ZBTB5: variants seen among roughly 807,000 people sequenced by gnomAD.
ZBTB5 encodes zinc finger and BTB domain-containing protein 5.
ZBTB5 carries 15 observed loss-of-function variants against 37.9 expected under a neutral mutation model. That is an observed-to-expected ratio of 0.40 (90% CI 0.26 to 0.61). The LOEUF (loss-of-function observed/expected upper bound fraction) is 0.61. ZBTB5 is among the 20% of genes least tolerant of loss of function. The pLI, the probability that ZBTB5 is intolerant of heterozygous loss-of-function variation, is 0.47. For missense variants in ZBTB5, 708 were observed against 856.8 expected, an observed-to-expected ratio of 0.83 and a Z score of 2.17; for synonymous variants, 315 against 312.4, an observed-to-expected ratio of 1.01 and a Z score of -0.09.
Position 37,442,343 on chromosome 9 carries a change from T to A in ZBTB5, c.209A>T (p.Glu70Val), listed in dbSNP as rs1350237980. The A allele has an allele frequency of 1.2e-6, 2 of 1,614,166 alleles. No homozygotes were observed. Among genetic ancestry groups the A allele is most frequent in the Non-Finnish European group, 8.5e-7 (1 of 1,180,020 alleles). Residue 70 changes from glutamate (E) to valine (V), a missense_variant, in exon 2 of 2, where the codon GAG becomes GTG. Around this residue, in one of 3 missense-constraint regions of ZBTB5, gnomAD observed 639 missense variants for 690.5 expected, o/e 0.93. Coordinates refer to ENST00000307750, the MANE Select transcript of ZBTB5 (RefSeq NM_014872.3). ...AGCAAAGGCCTCTGCTGTCACCACC[T>A]CGCTATCCAGCTGGATCATGTTCAT... ...QTMNMIQLDS[E>V]VVTAEAFAAL... is the part of the protein sequence containing the mutation.
rs200263293 is a variant in ZBTB5 at position 37,442,258 on chromosome 9, A to G, written c.294T>C (p.Asp98=). The change falls in exon 2 of 2, where the codon GAT becomes GAC. Residue 98 remains aspartate, a synonymous_variant. Coordinates refer to ENST00000307750, the MANE Select transcript of ZBTB5 (RefSeq NM_014872.3). ...TLMLGESNVM[D]VLLAASHLHL... ...GCAGGTGAGAGGCTGCCAATAAGAC[A>G]TCCATTACATTGCTCTCCCCCAGCA... 1.2e-5 allele frequency: 19 copies of G among 1,614,226 alleles called. No homozygotes were observed. In the East Asian group the frequency reaches 3.8e-4, roughly 32 times the overall value.
intron 1 of ZBTB5, among the ~76,000 whole-genome samples, chr9:37,460,099 C>G (rs1239200865): frequency 2.0e-5 from 3 of 152,008 alleles, no homozygotes; most frequent in African/African-American, 7.3e-5. Flanking sequence ...CTACCTCAGC[C>G]TCCCAAAATG....
chr9:37,441,924 C>T lies in ZBTB5; in HGVS notation c.628G>A (p.Asp210Asn). ...GTAACATCTGAAATGGCAGACTCATCTATGGAGGGTCGGAGGCGCTGCCTG... is the reference window on the plus strand; with the variant it reads ...GTAACATCTGAAATGGCAGACTCATTTATGGAGGGTCGGAGGCGCTGCCTG... ...RARQRLRPSI[D>N]ESAISDVTPE... The change falls in exon 2 of 2, where the codon GAT becomes AAT. Residue 210 changes from aspartate (D) to asparagine (N), a missense_variant. This residue lies in a region of ZBTB5 where 639 missense variants were observed against 690.5 expected (regional missense o/e 0.93). Transcript: ENST00000307750. 6.2e-7 allele frequency: 1 copy of T among 1,614,130 alleles called. No individual in the cohort carries two copies. The highest frequency in any genetic ancestry group is 8.5e-7 in the Non-Finnish European group (1 of 1,180,038).
At chr9:37,445,119 C>A (rs1332996362) in intron 1 of ZBTB5, among the ~76,000 whole-genome samples, 1 of 151,198 alleles carries the variant, frequency 6.6e-6, no homozygotes, top group African/African-American at 2.4e-5. Context: ...GTTGTTTACT[C>A]ACAGGACACA....
chr9:37,453,616 C>T (rs1207866893), intron 1 of ZBTB5, among the ~76,000 whole-genome samples: 1 of 152,164 alleles, frequency 6.6e-6, no homozygotes, highest in Non-Finnish European at 1.5e-5. Flanking sequence ...AAATCACTTC[C>T]CACCCATTCT....
intron 1 of ZBTB5, among the ~76,000 whole-genome samples, chr9:37,464,839 G>T (rs1344030083): frequency 6.6e-6 from 1 of 152,214 alleles, no homozygotes; most frequent in Admixed American, 6.5e-5. Context: ...ACCCAGGATG[G>T]GGGCAAGGGA....
Position 37,440,284 on chromosome 9 carries a change from A to G in ZBTB5, c.*234T>C. 3.9e-6 allele frequency: 2 copies of G among 519,290 alleles called. No homozygotes were observed. Among genetic ancestry groups the G allele is most frequent in the Non-Finnish European group, 6.8e-6 (2 of 294,856 alleles). 32.2% of individuals were successfully genotyped at this position (519,290 alleles called of 1,614,324 possible). A position where few individuals can be genotyped will look rare whatever the true frequency, so the allele number is the denominator to read the frequency against. ...TTACAAACTACTTTCTGACTGCATT[A>G]CTCAACCCCAAGGAAGCACCTGGTT... is the stretch of plus-strand genomic sequence containing the variant. On this transcript the variant is annotated 3_prime_UTR_variant, in exon 2 of 2. Coordinates refer to ENST00000307750, the MANE Select transcript of ZBTB5 (RefSeq NM_014872.3).
Position 37,441,481 on chromosome 9 carries a change from T to A in ZBTB5, c.1071A>T (p.Glu357Asp). ...CGGCACTGACCACAACTCCTTCCAC[T>A]TCCACAGACTCGCTGCCTTCTGCTT... Reference protein sequence around the residue: ...TSQAEGSESVEVEGVVVSAEK... With the variant: ...TSQAEGSESVDVEGVVVSAEK... The change falls in exon 2 of 2, where the codon GAA becomes GAT. Residue 357 changes from glutamate to aspartate, a missense_variant. Physicochemically the swap from Glu to Asp is conservative, Grantham distance 45. This residue lies in a region of ZBTB5 where 639 missense variants were observed against 690.5 expected (regional missense o/e 0.93). Coordinates refer to ENST00000307750, the MANE Select transcript of ZBTB5 (RefSeq NM_014872.3). 1 of 1,613,096 alleles carries A rather than the reference T, an allele frequency of 6.2e-7. No homozygotes were observed. The highest frequency in any genetic ancestry group is 1.3e-5 in the African/African-American group (1 of 74,676).
Position 37,442,299 on chromosome 9 carries a change from A to T in ZBTB5, c.253T>A (p.Tyr85Asn). The T allele has an allele frequency of 6.2e-7, 1 of 1,614,230 alleles. No homozygotes were observed. Among genetic ancestry groups the T allele is most frequent in the Non-Finnish European group, 8.5e-7 (1 of 1,180,030 alleles). Residue 85 changes from tyrosine (Y) to asparagine (N), a missense_variant, in exon 2 of 2, where the codon TAT (tyrosine) becomes AAT (asparagine). Coordinates refer to ENST00000307750, the MANE Select transcript of ZBTB5 (RefSeq NM_014872.3). ...TCCCCCAGCATGAGGGTGGAGGTAT[A>T]CATCATGTCAATCAGTGCAGCAAAG... ...EAFAALIDMM[Y>N]TSTLMLGESN...
intron 1 of ZBTB5, among the ~76,000 whole-genome samples, chr9:37,444,956 A>G (rs1465017528): frequency 6.6e-6 from 1 of 152,116 alleles, no homozygotes; most frequent in Non-Finnish European, 1.5e-5. Flanking sequence ...TGGGTCTCCA[A>G]GGGGGGTGGG....
In ZBTB5 at chr9:37,438,532, A is replaced by AGT. The variant is rs1354374737; in HGVS notation, c.*1985_*1986insAC. ...TAAGCCCCAAAAGCAAAGTCCACTT[A>AGT]TGCTTCAGCAGAGGTAAGCGGGCAG... On this transcript the variant is annotated 3_prime_UTR_variant, in exon 2 of 2. Transcript: ENST00000307750. The AGT allele has an allele frequency of 6.6e-6, 1 of 152,298 alleles. No individual in the cohort carries two copies. The highest frequency in any genetic ancestry group is 1.5e-5 in the Non-Finnish European group (1 of 68,064). The allele number at this position is 152,298 out of a possible 1,614,324, so 9.4% of individuals were successfully genotyped here.
chr9:37,441,602 A>G lies in ZBTB5; in HGVS notation c.950T>C (p.Val317Ala). ...CATGTGCTCCTTCTCACCAAGGCCA[A>G]CCTCAGGGTTTTCACACTGAAAACT... is the stretch of plus-strand genomic sequence containing the variant. ...KSSFQCENPE[V>A]GLGEKEHMRV... Residue 317 changes from valine (V) to alanine (A), a missense_variant, in exon 2 of 2, where the codon GTT becomes GCT. Transcript: ENST00000307750. 1 of 1,613,120 alleles carries G rather than the reference A, an allele frequency of 6.2e-7. No individual in the cohort carries two copies. The highest frequency in any genetic ancestry group is 8.5e-7 in the Non-Finnish European group (1 of 1,179,914).
Position 37,442,332 on chromosome 9 carries a change from C to CT in ZBTB5, c.219dup (p.Ala74SerfsTer9). ...TCAATCAGTGCAGCAAAGGCCTCTG[C>CT]TGTCACCACCTCGCTATCCAGCTGG... is the stretch of plus-strand genomic sequence containing the variant. On this transcript the variant is annotated frameshift_variant, in exon 2 of 2. Coordinates refer to ENST00000307750, the MANE Select transcript of ZBTB5 (RefSeq NM_014872.3). LOFTEE classifies it high-confidence loss of function. 1 of 1,614,220 alleles carries CT rather than the reference C, an allele frequency of 6.2e-7. No homozygotes were observed. Among genetic ancestry groups the CT allele is most frequent in the Non-Finnish European group, 8.5e-7 (1 of 1,180,032 alleles).
At chr9:37,453,205 A>G (rs1824132465) in intron 1 of ZBTB5, among the ~76,000 whole-genome samples, 1 of 152,116 alleles carries the variant, frequency 6.6e-6, no homozygotes, top group Non-Finnish European at 1.5e-5. Context: ...CTCTCTTTAA[A>G]TAGTGACAGG....
intron 1 of ZBTB5, among the ~76,000 whole-genome samples, chr9:37,443,991 G>A (rs1194889842): frequency 6.6e-6 from 1 of 152,180 alleles, no homozygotes; most frequent in Non-Finnish European, 1.5e-5. Flanking sequence ...GCTGAGGTGG[G>A]AGGATCACTT....
chr9:37,454,411 G>A (rs1824152521), intron 1 of ZBTB5, among the ~76,000 whole-genome samples: 3 of 152,298 alleles, frequency 2.0e-5, no homozygotes, highest in African/African-American at 7.2e-5. Flanking sequence ...GCTCCAAAAT[G>A]TGACAATATG....
chr9:37,446,128 T>C (rs1448887991), intron 1 of ZBTB5, among the ~76,000 whole-genome samples: 1 of 152,138 alleles, frequency 6.6e-6, no homozygotes, highest in Middle Eastern at 3.2e-3. Flanking sequence ...TACATAAAAA[T>C]GTATACACAT....
rs558857070 is a variant in ZBTB5, at chr9:37,457,380, C to G, written c.-5+7835G>C. 3.3e-5 allele frequency among the ~76,000 whole-genome samples: 5 copies of G among 152,250 alleles called. No individual in the cohort carries two copies. The South Asian group carries it at 1.0e-3, about 32-fold the overall frequency. ...CTCCCAAATACTGGTACTACAGGCA[C>G]GTCACCATGCCCAGCTAATTTTTTA... On this transcript the variant is annotated intron_variant, in intron 1 of 1. Transcript: ENST00000307750.
chr9:37,440,426 G>T lies in ZBTB5; in HGVS notation c.*92C>A. ...TAAACTGTTTAAGAGCCACTGGGCA[G>T]CTGGAAGCCTCGAACCCAAAGGCAT... On this transcript the variant is annotated 3_prime_UTR_variant, in exon 2 of 2. Transcript: ENST00000307750. 2.8e-6 allele frequency: 3 copies of T among 1,078,870 alleles called. No homozygotes were observed. The highest frequency in any genetic ancestry group is 4.0e-6 in the Non-Finnish European group (3 of 748,510). 66.8% of individuals were successfully genotyped at this position (1,078,870 alleles called of 1,614,324 possible).
Sources: allele counts gnomAD v4.1 joint callset (sites outside exome capture counted in the v4.1 genomes callset), GRCh38; gene constraint gnomAD v4.1.1; regional missense constraint gnomAD v4.1.1; transcripts MANE v1.5; gene names NCBI Gene and HGNC (gene_info 2026-07-23, HGNC 2026-07-21).